The following EVPL variants were observed in gnomAD, a reference collection of about 807,000 sequenced individuals.
EVPL encodes the protein envoplakin.
EVPL carries 94 observed loss-of-function variants against 129.7 expected under a neutral mutation model. That is an observed-to-expected ratio of 0.72 (90% CI 0.61 to 0.86). EVPL has a LOEUF of 0.86. Ranked by LOEUF, EVPL falls within the 40% of genes least tolerant of loss-of-function variation. The probability of loss-of-function intolerance (pLI) is 0.00; values close to 1 mark genes in which losing one functional copy is unlikely to be tolerated. For missense variants in EVPL, 2,625 were observed against 2,721.1 expected, an observed-to-expected ratio of 0.96 and a Z score of 0.79; for synonymous variants, 1,172 against 1,191.1, an observed-to-expected ratio of 0.98 and a Z score of 0.33.
Position 76,014,484 on chromosome 17 carries a change from C to T in EVPL, c.2315G>A (p.Ser772Asn), listed in dbSNP as rs1415816577. The change falls in exon 18 of 22, where the codon AGC (serine) becomes AAC (asparagine). Residue 772 changes from serine to asparagine, a missense_variant. Physicochemically the swap from Ser to Asn is conservative, Grantham distance 46. This residue lies in a region of EVPL where 1,024 missense variants were observed against 997.5 expected (regional missense o/e 1.03). Coordinates refer to ENST00000301607, the MANE Select transcript of EVPL (RefSeq NM_001988.4). ...LSSWLEHLPR[S>N]QVRPSDGPSQ... The stretch of plus-strand genomic sequence containing the variant: ...GGGGCCGTCGCTGGGCCGCACCTGG[C>T]TGCGGGGCAGGTGCTCCAGCCAGGA... The T allele has an allele frequency of 6.2e-7, 1 of 1,612,054 alleles. No individual in the cohort carries two copies.
Position 76,015,622 on chromosome 17 carries a change from C to G in EVPL, c.1717G>C (p.Ala573Pro), listed in dbSNP as rs770566869. ...EGRIHSHEGT[A>P]QRLQSLGTEK... ...GTTCCCAGGCTCTGCAGGCGCTGGG[C>G]TGTGCCCTAAAGAGGGGCGGGGTCA... The change falls in exon 15 of 22, where the codon GCC (alanine) becomes CCC (proline). Residue 573 changes from alanine (A) to proline (P), a missense_variant. Physicochemically the swap from Ala to Pro is conservative, Grantham distance 27 (BLOSUM62 -1). Around this residue, in one of 4 missense-constraint regions of EVPL, gnomAD observed 1,024 missense variants for 997.5 expected, o/e 1.03. Coordinates refer to ENST00000301607, the MANE Select transcript of EVPL (RefSeq NM_001988.4). The G allele has an allele frequency of 1.1e-5, 18 of 1,612,450 alleles. No homozygotes were observed. In the African/African-American group the frequency reaches 2.4e-4, roughly 22 times the overall value.
chr17:76,026,466 T>C lies in EVPL; in HGVS notation c.98+635A>G, dbSNP rs542862802. ...CTGGGCTCAAGGAATCCTCCCGCAT[T>C]GGCCTCCTGAAGTTCGGGGATTATA... On this transcript the variant is annotated intron_variant, in intron 1 of 21. Transcript: ENST00000301607. Among the ~76,000 whole-genome samples the C allele has an allele frequency of 3.7e-3, 556 of 152,318 alleles. 2 individuals carry two copies. The highest frequency in any genetic ancestry group is 6.2e-3 in the Non-Finnish European group (425 of 68,020).
chr17:76,008,826 ATCT>A lies in EVPL; in HGVS notation c.4376_4378del (p.Lys1459del), dbSNP rs1322144863. The stretch of plus-strand genomic sequence containing the variant: ...CAGCTTGACCACTTCCTCCATGATG[ATCT>A]TCTCCTGCACCGTGGGAGGCCGCTT... On this transcript the variant is annotated inframe_deletion, in exon 22 of 22. Transcript: ENST00000301607. The surrounding 1 kb of genome is among the most constrained non-coding windows in gnomAD (Gnocchi z 7.4). 6 of 1,613,516 alleles carry A rather than the reference ATCT, an allele frequency of 3.7e-6. No individual in the cohort carries two copies. Among genetic ancestry groups the A allele is most frequent in the Non-Finnish European group, 5.1e-6 (6 of 1,179,884 alleles).
Position 76,023,586 on chromosome 17 carries a change from C to A in EVPL, c.267G>T (p.Glu89Asp), listed in dbSNP as rs1257162753. The A allele has an allele frequency of 2.5e-6, 4 of 1,612,388 alleles. No homozygotes were observed. In the African/African-American group the frequency reaches 5.3e-5, roughly 21 times the overall value. The stretch of plus-strand genomic sequence containing the variant: ...AGAGGTCCTTGAGCAGCACCTCAGC[C>A]TCCTTCAGGCTGCGGCCCGTCTCCT... Reference protein sequence around the residue: ...HQQETGRSLKEAEVLLKDLFL... With the variant: ...HQQETGRSLKDAEVLLKDLFL... Residue 89 changes from glutamate (E) to aspartate (D), a missense_variant, in exon 3 of 22, where the codon GAG becomes GAT. Around this residue, in one of 4 missense-constraint regions of EVPL, gnomAD observed 139 missense variants for 186.8 expected, o/e 0.74. Transcript: ENST00000301607.
rs765621975 is a variant in EVPL, at chr17:76,022,997, C to T, written c.480+295G>A. On this transcript the variant is annotated intron_variant, in intron 4 of 21. Coordinates refer to ENST00000301607, the MANE Select transcript of EVPL (RefSeq NM_001988.4). The surrounding 1 kb of genome is among the most constrained non-coding windows in gnomAD (Gnocchi z 5.6). ...CACCTGCCCAGAAATCCCCACTTCC[C>T]GTCGAAGCCCAGGCTTCCTCCTGGC... Among the ~76,000 whole-genome samples the T allele has an allele frequency of 1.9e-4, 29 of 152,282 alleles. No homozygotes were observed. Among genetic ancestry groups the T allele is most frequent in the South Asian group, 2.1e-4 (1 of 4,830 alleles).
chr17:76,013,108 C>T lies in EVPL; in HGVS notation c.2374-1019G>A, dbSNP rs2066391941. ...CTACAGCTCATCCAGAACCATGGCT[C>T]CAATTGGAAAGTTCTCAATACGGGA... On this transcript the variant is annotated intron_variant, in intron 18 of 21. Transcript: ENST00000301607. This position sits in a 1 kb window ranked among gnomAD's most constrained non-coding sequence, Gnocchi z 4.3. Among the ~76,000 whole-genome samples the T allele has an allele frequency of 6.6e-6, 1 of 152,164 alleles. No homozygotes were observed. Among genetic ancestry groups the T allele is most frequent in the African/African-American group, 2.4e-5 (1 of 41,428 alleles).
rs750624635 is a variant in EVPL, at chr17:76,015,587, C to A, written c.1752G>T (p.Glu584Asp). The A allele has an allele frequency of 2.5e-6, 4 of 1,613,592 alleles. No individual in the cohort carries two copies. The South Asian group carries it at 4.4e-5, about 18-fold the overall frequency. Residue 584 changes from glutamate (E) to aspartate (D), a missense_variant, in exon 15 of 22, where the codon GAG (glutamate) becomes GAT (aspartate). This residue lies in a region of EVPL where 1,024 missense variants were observed against 997.5 expected (regional missense o/e 1.03). Transcript: ENST00000301607. The stretch of plus-strand genomic sequence containing the variant: ...ACGCCTCGCACTCCTTCTGGGCTGT[C>A]TCCTTCTCCGTTCCCAGGCTCTGCA... ...QRLQSLGTEK[E>D]TAQKECEAFL...
chr17:76,014,379 C>T (rs1434529142), intron 18 of EVPL, 47 bp downstream of exon 18: 1 of 1,577,652 alleles, frequency 6.3e-7, no homozygotes. Context: ...GCTTTGGCCA[C>T]TAGGGGGCCA....
rs2066391601 is a variant in EVPL, at chr17:76,013,062, A to G, written c.2374-973T>C. On this transcript the variant is annotated intron_variant, in intron 18 of 21. Transcript: ENST00000301607. The surrounding 1 kb of genome is among the most constrained non-coding windows in gnomAD (Gnocchi z 4.3). ...CCCGGCCTGAGAATTCATATTTCTG[A>G]TAAGTCCCCAGGTGATGCTGCTACA... is the stretch of plus-strand genomic sequence containing the variant. Among the ~76,000 whole-genome samples the G allele has an allele frequency of 1.3e-5, 2 of 152,084 alleles. No homozygotes were observed. Among genetic ancestry groups the G allele is most frequent in the African/African-American group, 2.4e-5 (1 of 41,424 alleles).
chr17:76,007,527 G>C lies in EVPL; in HGVS notation c.5678C>G (p.Thr1893Arg). Residue 1893 changes from threonine (T) to arginine (R), a missense_variant, in exon 22 of 22, where the codon ACA (threonine) becomes AGA (arginine). Coordinates refer to ENST00000301607, the MANE Select transcript of EVPL (RefSeq NM_001988.4). The surrounding 1 kb of genome is among the most constrained non-coding windows in gnomAD (Gnocchi z 8.8). Reference sequence around the variant, plus strand: ...CTTCTGGGCGTTAAGCAGCCTCTGTGTGGAGGTGTTCTCGATCAGGCCCCT... The same window carrying C: ...CTTCTGGGCGTTAAGCAGCCTCTGTCTGGAGGTGTTCTCGATCAGGCCCCT... ...MERGLIENTS[T>R]QRLLNAQKAF... 2 of 1,613,972 alleles carry C rather than the reference G, an allele frequency of 1.2e-6. No individual in the cohort carries two copies. The highest frequency in any genetic ancestry group is 1.7e-6 in the Non-Finnish European group (2 of 1,180,032).
chr17:76,025,880 G>A lies in EVPL; in HGVS notation c.98+1221C>T, dbSNP rs183118615. 1.8e-3 allele frequency among the ~76,000 whole-genome samples: 267 copies of A among 152,360 alleles called. 1 individual carries two copies. Among genetic ancestry groups the A allele is most frequent in the African/African-American group, 6.2e-3 (258 of 41,596 alleles). On this transcript the variant is annotated intron_variant, in intron 1 of 21. Transcript: ENST00000301607. ...GATTGCTGAGGCTGGGCTCCAGAGA[G>A]CCGGGTGGTCCAAGGGAGGCCCAGT...
At position 76,007,755 on chromosome 17, in the gene EVPL, G is replaced by A. The variant is rs142889605; in HGVS notation, c.5450C>T (p.Ser1817Phe). 1 of 1,612,746 alleles carries A rather than the reference G, an allele frequency of 6.2e-7. No individual in the cohort carries two copies. Among genetic ancestry groups the A allele is most frequent in the South Asian group, 1.1e-5 (1 of 91,056 alleles). ...QSTSFFSPSFSLGLGDDSFPI... is the reference protein window; with the variant it reads ...QSTSFFSPSFFLGLGDDSFPI... Reference sequence around the variant, plus strand: ...GAAGCTGTCATCACCGAGCCCGAGAGAGAAGCTGGGAGAGAAGAAACTGGT... The same window carrying A: ...GAAGCTGTCATCACCGAGCCCGAGAAAGAAGCTGGGAGAGAAGAAACTGGT... The change falls in exon 22 of 22, where the codon TCT becomes TTT. Residue 1817 changes from serine to phenylalanine, a missense_variant. Around this residue, in one of 4 missense-constraint regions of EVPL, gnomAD observed 1,453 missense variants for 1,511.8 expected, o/e 0.96. Transcript: ENST00000301607. This position sits in a 1 kb window ranked among gnomAD's most constrained non-coding sequence, Gnocchi z 8.8.
chr17:76,014,699 G>C (rs548179517), intron 17 of EVPL, 123 bp from the exon 18 acceptor site: 6 of 1,356,034 alleles, frequency 4.4e-6, no homozygotes, highest in Non-Finnish European at 6.0e-6. Context: ...GTGGCCTGCT[G>C]TGCAGATCCC....
Position 76,023,636 on chromosome 17 carries a change from G to C in EVPL, c.217C>G (p.Gln73Glu). Residue 73 changes from glutamine to glutamate, a missense_variant, in exon 3 of 22, where the codon CAG becomes GAG. By Grantham distance (29) the Gln-to-Glu change is conservative. Coordinates refer to ENST00000301607, the MANE Select transcript of EVPL (RefSeq NM_001988.4). ...RLQQDRLNSE[Q>E]SQALQHQQET... ...TGCTGGTGCTGCAGGGCCTGGCTCT[G>C]CTCACTGTTCAGCCGGTCCTGTGGG... 1.9e-6 allele frequency: 3 copies of C among 1,591,332 alleles called. No homozygotes were observed. Among genetic ancestry groups the C allele is most frequent in the Non-Finnish European group, 1.7e-6 (2 of 1,169,610 alleles).
rs367727963 is a variant in EVPL, at chr17:76,021,472, C to T, written c.1007G>A (p.Arg336His). 1.8e-4 allele frequency: 293 copies of T among 1,607,606 alleles called. 2 individuals carry two copies. The Middle Eastern group carries it at 3.2e-3, about 17-fold the overall frequency. The change falls in exon 9 of 22, where the codon CGC becomes CAC. Residue 336 changes from arginine to histidine, a missense_variant. By Grantham distance (29) the Arg-to-His change is conservative. Coordinates refer to ENST00000301607, the MANE Select transcript of EVPL (RefSeq NM_001988.4). ...ETQLQHVEDY[R>H]RFQEEADSVS... The stretch of plus-strand genomic sequence containing the variant: ...GCCGCCTGCCCGAGGGCTCACCCGG[C>T]GGTAGTCCTCCACGTGCTGCAGCTG...
Position 76,009,498 on chromosome 17 carries a change from G to A in EVPL, c.3707C>T (p.Pro1236Leu), listed in dbSNP as rs755695873. 1 of 1,614,074 alleles carries A rather than the reference G, an allele frequency of 6.2e-7. No homozygotes were observed. Among genetic ancestry groups the A allele is most frequent in the East Asian group, 2.2e-5 (1 of 44,874 alleles). ...GVEKEVEKLL[P>L]DLEVLRAQKP... Reference sequence around the variant, plus strand: ...CTGGGCCCGCAGGACCTCCAGGTCGGGCAGCAGCTTCTCCACCTCCTTCTC... The same window carrying A: ...CTGGGCCCGCAGGACCTCCAGGTCGAGCAGCAGCTTCTCCACCTCCTTCTC... The change falls in exon 22 of 22, where the codon CCC becomes CTC. Residue 1236 changes from proline to leucine, a missense_variant. Pro to Leu is a moderately conservative substitution (Grantham distance 98, BLOSUM62 -3). Transcript: ENST00000301607. This position sits in a 1 kb window ranked among gnomAD's most constrained non-coding sequence, Gnocchi z 5.9.
chr17:76,009,234 G>C lies in EVPL; in HGVS notation c.3971C>G (p.Pro1324Arg), dbSNP rs773830006. ...SKEVVRHEKD[P>R]VLEKEAERLR... Reference sequence around the variant, plus strand: ...CCGCTCTGCTTCTTTCTCCAGCACCGGGTCCTTCTCGTGGCGCACCACCTC... The same window carrying C: ...CCGCTCTGCTTCTTTCTCCAGCACCCGGTCCTTCTCGTGGCGCACCACCTC... Residue 1324 changes from proline to arginine, a missense_variant, in exon 22 of 22, where the codon CCG (proline) becomes CGG (arginine). By Grantham distance (103) the Pro-to-Arg change is moderately radical. Transcript: ENST00000301607. The surrounding 1 kb of genome is among the most constrained non-coding windows in gnomAD (Gnocchi z 5.9). The C allele has an allele frequency of 2.2e-5, 36 of 1,607,994 alleles. No homozygotes were observed. The highest frequency in any genetic ancestry group is 4.0e-5 in the African/African-American group (3 of 74,920).
rs543930569 is a variant in EVPL, at chr17:76,013,859, G to C, written c.2373+567C>G. Among the ~76,000 whole-genome samples the C allele has an allele frequency of 6.6e-6, 1 of 152,280 alleles. No homozygotes were observed. The highest frequency in any genetic ancestry group is 6.5e-5 in the Admixed American group (1 of 15,298). On this transcript the variant is annotated intron_variant, in intron 18 of 21. Transcript: ENST00000301607. The surrounding 1 kb of genome is among the most constrained non-coding windows in gnomAD (Gnocchi z 4.3). ...AGCAGCTTCTGGGGGCTGCAGGAGA[G>C]AGTGCAGCCTGGGTCCTGTGCCGGA... is the stretch of plus-strand genomic sequence containing the variant.
rs374442820 is a variant in EVPL at position 76,017,867 on chromosome 17, G to A, written c.1582C>T (p.Leu528=). 1 of 1,614,088 alleles carries A rather than the reference G, an allele frequency of 6.2e-7. No individual in the cohort carries two copies. The highest frequency in any genetic ancestry group is 8.5e-7 in the Non-Finnish European group (1 of 1,180,032). The change falls in exon 14 of 22, where the codon CTG becomes TTG. Residue 528 remains leucine, a synonymous_variant. Coordinates refer to ENST00000301607, the MANE Select transcript of EVPL (RefSeq NM_001988.4). ...CCATCCAGCCGGGTCATCTGTGTCA[G>A]GAGCTTCTGGGCCTGTGGGTTGGCC... The part of the protein sequence containing the change: ...DLANPQAQKL[L]TQMTRLDGDL...
Sources: allele counts gnomAD v4.1 joint callset (sites outside exome capture counted in the v4.1 genomes callset), GRCh38; gene constraint gnomAD v4.1.1; regional missense constraint gnomAD v4.1.1; non-coding constraint Gnocchi (gnomAD v3.1); transcripts MANE v1.5; gene names NCBI Gene and HGNC (gene_info 2026-07-23, HGNC 2026-07-21).